Variants in BTBD2 observed in about 807,000 individuals in gnomAD.
BTBD2 encodes BTB/POZ domain-containing protein 2.
Under a neutral mutation model 44.0 loss-of-function variants are expected in BTBD2, and 15 were observed. That is an observed-to-expected ratio of 0.34 (90% confidence interval 0.23 to 0.53). The LOEUF is 0.53. BTBD2 is among the 20% of genes least tolerant of loss of function. The pLI is 0.95. For missense variants in BTBD2, 657 were observed against 746.4 expected (o/e 0.88, Z 1.39); for synonymous variants, 443 against 335.9 (o/e 1.32, Z -3.49).
At chr19:2,005,898 GAGCAACAC>G (rs1011245578) in intron 1 of BTBD2, among the ~76,000 whole-genome samples, 1 of 151,978 alleles carries the variant, frequency 6.6e-6, no homozygotes, top group African/African-American at 2.4e-5. Context: ...AGACCAGCCT[GAGCAACAC>G]AGCAGACCCC....
chr19:1,992,985 T>C (rs747585197), intron 3 of BTBD2, 35 bp downstream of exon 3: 76 of 530,534 alleles, frequency 1.4e-4, no homozygotes, highest in Non-Finnish European at 1.7e-4. Flanking sequence ...CAGCCAGGCC[T>C]GGCCCCGCCC....
chr19:2,013,306 G>A (rs1184040750), intron 1 of BTBD2, among the ~76,000 whole-genome samples: 1 of 152,200 alleles, frequency 6.6e-6, no homozygotes, highest in African/African-American at 2.4e-5. Flanking sequence ...ACCGGGGAGT[G>A]GAGGGAACCT....
At chr19:1,992,926 G>GCCC in intron 3 of BTBD2, 94 bp downstream of exon 3, 4 of 688,638 alleles carry the variant, frequency 5.8e-6, no homozygotes, top group African/African-American at 2.0e-5. Context: ...CCCGCCCCCG[G>GCCC]CCCCGCCTCC....
chr19:1,990,894 G>C, intron 3 of BTBD2, 72 bp from the exon 4 acceptor site: 1 of 1,383,038 alleles, frequency 7.2e-7, no homozygotes, highest in Non-Finnish European at 9.9e-7. Flanking sequence ...CCCAGTGCGG[G>C]GCCGGTTCAA....
At chr19:2,001,121 G>T (rs1319633327) in intron 1 of BTBD2, among the ~76,000 whole-genome samples, 1 of 151,882 alleles carries the variant, frequency 6.6e-6, no homozygotes, top group Non-Finnish European at 1.5e-5. Context: ...CTGTCTCTAT[G>T]AAAAATACAA....
At chr19:2,010,331 C>A (rs1599361255) in intron 1 of BTBD2, among the ~76,000 whole-genome samples, 1 of 152,204 alleles carries the variant, frequency 6.6e-6, no homozygotes, top group East Asian at 1.9e-4. Context: ...GTGCCAGGCT[C>A]CAGCGCGCTG....
At chr19:2,007,864 A>G (rs2016414575) in intron 1 of BTBD2, among the ~76,000 whole-genome samples, 1 of 152,124 alleles carries the variant, frequency 6.6e-6, no homozygotes, top group Admixed American at 6.6e-5. Flanking sequence ...TATAAGTTCC[A>G]TAAGGAAGGA....
chr19:2,005,781 CA>C (rs71176506), intron 1 of BTBD2, among the ~76,000 whole-genome samples: 73,036 of 131,906 alleles, frequency 0.55, 19,802 homozygotes, highest in African/African-American at 0.73. Flanking sequence ...AACTCCGTCT[CA>C]AAAAAAAAAA....
intron 1 of BTBD2, among the ~76,000 whole-genome samples, chr19:2,009,133 C>G (rs2016431102): frequency 6.6e-6 from 1 of 152,066 alleles, no homozygotes. Context: ...ATTATCCTGC[C>G]TCAGCCTCCC....
intron 5 of BTBD2, chr19:1,989,653 G>T (rs1020529623): frequency 6.2e-6 from 2 of 322,500 alleles, no homozygotes; most frequent in Non-Finnish European, 1.2e-5. Flanking sequence ...CAGCCACCCC[G>T]GCCATGTCAG....
In BTBD2 at chr19:1,989,575, G is replaced by GC. The variant is rs1444875971; in HGVS notation, c.988+428dup. ...GAGGGCAGGAGGCATCGTTAGCGCT[G>GC]CCCCTTCACGTCACCCTGGAACCCA... On this transcript the variant is annotated intron_variant, in intron 5 of 8. Transcript: ENST00000255608. The GC allele has an allele frequency of 2.3e-5, 6 of 266,504 alleles. No homozygotes were observed. The East Asian group carries it at 6.2e-4, about 27-fold the overall frequency. The allele number at this position is 266,504 out of a possible 1,614,324, so 16.5% of individuals were successfully genotyped here. A position where few individuals can be genotyped will look rare whatever the true frequency, so the allele number is the denominator to read the frequency against.
chr19:1,989,846 T>G (rs529036271), intron 5 of BTBD2, 158 bp downstream of exon 5: 1 of 796,716 alleles, frequency 1.3e-6, no homozygotes, highest in East Asian at 2.7e-5. Flanking sequence ...GATGGCCCTG[T>G]GGACGCGTCC....
chr19:1,990,313 C>T (rs2016156991), intron 4 of BTBD2, 112 bp from the exon 5 acceptor site: 2 of 1,174,646 alleles, frequency 1.7e-6, no homozygotes, highest in African/African-American at 1.5e-5. Flanking sequence ...GCAACTATGG[C>T]CCGTGGCCCA....
At chr19:1,993,995 C>CAAAAA (rs542137742) in intron 2 of BTBD2, among the ~76,000 whole-genome samples, 14 of 24,962 alleles carry the variant, frequency 5.6e-4, no homozygotes, top group Admixed American at 6.7e-4. Flanking sequence ...GAATCCGTCT[C>CAAAAA]AAAAAAAAAA....
In BTBD2 at chr19:1,986,552, G is replaced by A. The variant is rs758989752; in HGVS notation, c.1514C>T (p.Ala505Val). The A allele has an allele frequency of 6.2e-7, 1 of 1,614,098 alleles. No homozygotes were observed. Among genetic ancestry groups the A allele is most frequent in the Non-Finnish European group, 8.5e-7 (1 of 1,179,968 alleles). The change falls in exon 9 of 9, where the codon GCC becomes GTC. Residue 505 changes from alanine (A) to valine (V), a missense_variant. Transcript: ENST00000255608. ...CACGGATGTGCCATTGTTGTTCCCG[G>A]CCGCGTAGCAAAAGGTGAAGCAGGT... is the stretch of plus-strand genomic sequence containing the variant. ...AKTCFTFCYA[A>V]GNNNGTSVED...
At chr19:1,994,034 C>T (rs2016218564) in intron 2 of BTBD2, among the ~76,000 whole-genome samples, 1 of 119,932 alleles carries the variant, frequency 8.3e-6, no homozygotes, top group Non-Finnish European at 1.7e-5. Flanking sequence ...AAAAGCAGCA[C>T]AGGCCGGCCT....
chr19:2,015,243 C>G (rs1360398703), intron 1 of BTBD2, 54 bp downstream of exon 1: 12 of 1,342,100 alleles, frequency 8.9e-6, no homozygotes, highest in Non-Finnish European at 1.2e-5. Context: ...GTGCAGGGCC[C>G]GGGCAGCAGG....
rs2286352 is a variant in BTBD2, at chr19:1,986,415, G to A, written c.*73C>T. 0.3 allele frequency: 478,239 copies of A among 1,575,676 alleles called. 75,476 individuals carry two copies. The highest frequency in any genetic ancestry group is 0.56 in the East Asian group (24,696 of 44,382). On this transcript the variant is annotated 3_prime_UTR_variant, in exon 9 of 9. Transcript: ENST00000255608. Reference sequence around the variant, plus strand: ...GGGCCTGGCACCGCGTGGTGGGGGGGCCCCAGCAGCAGATGATGGCCTGGG... The same window carrying A: ...GGGCCTGGCACCGCGTGGTGGGGGGACCCCAGCAGCAGATGATGGCCTGGG...
intron 2 of BTBD2, 60 bp downstream of exon 2, chr19:1,997,284 T>A: frequency 6.2e-7 from 1 of 1,609,008 alleles, no homozygotes; most frequent in Non-Finnish European, 8.5e-7. Context: ...AGGGTCTACG[T>A]TCTCTGAGGT....
Sources: allele counts gnomAD v4.1 joint callset (sites outside exome capture counted in the v4.1 genomes callset), GRCh38; gene constraint gnomAD v4.1.1; transcripts MANE v1.5; gene names NCBI Gene and HGNC (gene_info 2026-07-23, HGNC 2026-07-21).